Variants in FIG4 observed in about 807,000 individuals in gnomAD.
FIG4 encodes FIG4 phosphoinositide 5-phosphatase.
In FIG4, 112 loss-of-function variants were observed where a neutral mutation model predicts 118.6. The ratio of observed to expected loss-of-function variants is 0.94; its 90% confidence interval spans 0.81 to 1.11. The LOEUF is 1.11. Among genes scored for constraint, FIG4 ranks in the 50% least tolerant of loss-of-function variants. The pLI, the probability that FIG4 is intolerant of heterozygous loss-of-function variation, is 0.00. For missense variants in FIG4, 969 were observed against 1,111.7 expected (o/e 0.87, Z 1.83); for synonymous variants, 369 against 381.2 (o/e 0.97, Z 0.37).
rs1776316695 is a variant in FIG4 at position 109,741,345 on chromosome 6, T to G, written c.776-99T>G. ...GGAGCTTTTGGTGTTCTTTAAGCCA[T>G]TGGACAAGCTGTATCTAAATGTTTA... On this transcript the variant is annotated intron_variant, in intron 7 of 22. Transcript: ENST00000230124. 3 of 830,876 alleles carry G rather than the reference T, an allele frequency of 3.6e-6. No individual in the cohort carries two copies. In the African/African-American group the frequency reaches 5.0e-5, roughly 14 times the overall value. 51.5% of individuals were successfully genotyped at this position (830,876 alleles called of 1,614,324 possible). A position where few individuals can be genotyped will look rare whatever the true frequency, so the allele number is the denominator to read the frequency against.
chr6:109,790,553 G>T (rs1778108288), intron 19 of FIG4, among the ~76,000 whole-genome samples: 1 of 152,128 alleles, frequency 6.6e-6, no homozygotes, highest in Non-Finnish European at 1.5e-5. Context: ...GTTGCAAAAG[G>T]TCAGAGACTG....
intron 21 of FIG4, 75 bp from the exon 22 acceptor site, chr6:109,796,690 C>G: frequency 1.1e-6 from 1 of 872,802 alleles, no homozygotes; most frequent in Non-Finnish European, 2.0e-6. Context: ...AAAGCTTACA[C>G]CATTTTGTGT....
intron 15 of FIG4, 46 bp downstream of exon 15, chr6:109,766,941 A>AT (rs1360718133): frequency 6.7e-7 from 1 of 1,495,672 alleles, no homozygotes. Context: ...TCTGAAGTGC[A>AT]TTTTTTGTAT....
chr6:109,702,940 G>A (rs975342749), intron 1 of FIG4, among the ~76,000 whole-genome samples: 4 of 152,104 alleles, frequency 2.6e-5, no homozygotes, highest in African/African-American at 7.2e-5. Flanking sequence ...CACTACAGCC[G>A]CCATTCTGGG....
intron 21 of FIG4, among the ~76,000 whole-genome samples, chr6:109,795,828 C>G (rs1277341075): frequency 6.6e-6 from 1 of 152,020 alleles, no homozygotes; most frequent in Non-Finnish European, 1.5e-5. Context: ...GTCTCGATCT[C>G]CTGACCTCAT....
intron 2 of FIG4, among the ~76,000 whole-genome samples, chr6:109,715,860 G>A (rs552392595): frequency 3.9e-4 from 59 of 152,246 alleles, no homozygotes; most frequent in African/African-American, 1.4e-3. Flanking sequence ...TCTCAAATAT[G>A]TAGTAACTAC....
intron 3 of FIG4, among the ~76,000 whole-genome samples, chr6:109,722,527 C>G (rs1420636117): frequency 2.6e-5 from 4 of 151,686 alleles, no homozygotes; most frequent in African/African-American, 7.3e-5. Context: ...GAGAGAGAGA[C>G]ACACACACAC....
chr6:109,819,335 C>G (rs1022322323), intron 22 of FIG4, among the ~76,000 whole-genome samples: 1 of 152,198 alleles, frequency 6.6e-6, no homozygotes, highest in Non-Finnish European at 1.5e-5. Context: ...GGTAGCCATC[C>G]AGGGCTCCTT....
At chr6:109,786,961 G>A (rs933273885) in intron 18 of FIG4, among the ~76,000 whole-genome samples, 3 of 152,158 alleles carry the variant, frequency 2.0e-5, no homozygotes, top group Non-Finnish European at 4.4e-5. Context: ...ACAGGCAGGT[G>A]ATTGATAAAT....
At chr6:109,777,344 G>A (rs1054953149) in intron 16 of FIG4, among the ~76,000 whole-genome samples, 2 of 152,208 alleles carry the variant, frequency 1.3e-5, no homozygotes, top group East Asian at 1.9e-4. Flanking sequence ...CATGAGTTCC[G>A]TACTATTGAT....
At chr6:109,717,744 C>A (rs563392297) in intron 3 of FIG4, among the ~76,000 whole-genome samples, 2 of 152,236 alleles carry the variant, frequency 1.3e-5, no homozygotes, top group South Asian at 4.1e-4. Context: ...CATGAAGGTA[C>A]CCAGAGGTGC....
In FIG4 at chr6:109,727,269, T is replaced by C; in HGVS notation, c.446+4T>C. On this transcript the variant is annotated splice_donor_region_variant and intron_variant, in intron 4 of 22. Transcript: ENST00000230124. ...TTACTCATCCTGATGAAGCTAGGTA[T>C]GTATGGTGGTAACTACCTTTTTTTT... 3.1e-6 allele frequency: 5 copies of C among 1,596,346 alleles called. No homozygotes were observed. The highest frequency in any genetic ancestry group is 4.3e-6 in the Non-Finnish European group (5 of 1,174,392).
chr6:109,734,401 CTATG>C (rs942351590), intron 5 of FIG4, among the ~76,000 whole-genome samples: 3 of 149,804 alleles, frequency 2.0e-5, no homozygotes, highest in Admixed American at 6.7e-5. Context: ...ATATACACAA[CTATG>C]TATGTATGCA....
At chr6:109,738,857 G>C (rs1000428676) in intron 7 of FIG4, among the ~76,000 whole-genome samples, 1 of 152,094 alleles carries the variant, frequency 6.6e-6, no homozygotes, top group Non-Finnish European at 1.5e-5. Flanking sequence ...TCACAGCCTG[G>C]GAAACACTGT....
chr6:109,779,582 T>C (rs755221768), intron 16 of FIG4, among the ~76,000 whole-genome samples: 30 of 152,178 alleles, frequency 2.0e-4, no homozygotes, highest in Non-Finnish European at 3.1e-4. Flanking sequence ...TGTTTGTTTG[T>C]TTTTCCTCTA....
intron 16 of FIG4, among the ~76,000 whole-genome samples, chr6:109,782,203 C>G (rs1402198492): frequency 6.6e-6 from 1 of 152,076 alleles, no homozygotes; most frequent in East Asian, 1.9e-4. Flanking sequence ...TTTTCTGATC[C>G]CTGGTCCCAA....
chr6:109,768,987 C>T (rs185100359), intron 15 of FIG4, among the ~76,000 whole-genome samples: 72 of 152,192 alleles, frequency 4.7e-4, no homozygotes, highest in African/African-American at 1.7e-3. Flanking sequence ...TGTGCTAATA[C>T]GTACATATCC....
At chr6:109,722,768 C>A (rs1775649728) in intron 3 of FIG4, among the ~76,000 whole-genome samples, 1 of 152,070 alleles carries the variant, frequency 6.6e-6, no homozygotes, top group African/African-American at 2.4e-5. Context: ...GCCTGACATG[C>A]CTGGAGTAGA....
At chr6:109,691,586 T>G in intron 1 of FIG4, 85 bp downstream of exon 1, 1 of 1,154,936 alleles carries the variant, frequency 8.7e-7, no homozygotes, top group Non-Finnish European at 1.3e-6. Context: ...GGCTGTACTC[T>G]GCCTCCTCCT....
Sources: gnomAD v4.1 joint callset for allele counts (sites outside exome capture counted in the v4.1 genomes callset) on GRCh38, gnomAD v4.1.1 for gene constraint, MANE v1.5 for transcripts, NCBI Gene and HGNC (gene_info 2026-07-23, HGNC 2026-07-21) for gene names.